CUX2: variants seen among roughly 807,000 people sequenced by gnomAD.
The protein encoded by CUX2 is homeobox protein cut-like 2.
Under a neutral mutation model 144.8 loss-of-function variants are expected in CUX2, and 40 were observed. The ratio of observed to expected loss-of-function variants is 0.28; its 90% CI spans 0.21 to 0.36. The LOEUF is 0.36. Ranked by LOEUF, CUX2 falls within the 10% of genes least tolerant of loss-of-function variation. The probability of loss-of-function intolerance (pLI) is 1.00; values close to 1 mark genes in which losing one functional copy is unlikely to be tolerated. For synonymous variants in CUX2, 827 were observed against 875.6 expected, an observed-to-expected ratio of 0.94 and a Z score of 0.98; for missense variants, 1,615 against 1,994.0, an observed-to-expected ratio of 0.81 and a Z score of 3.62.
intron 20 of CUX2, 89 bp from the exon 21 acceptor site, chr12:111,341,691 G>C: frequency 1.4e-6 from 2 of 1,436,066 alleles, no homozygotes; most frequent in Non-Finnish European, 1.9e-6. Context: ...GGGCCTGACA[G>C]ATGCACTCCC....
intron 1 of CUX2, among the ~76,000 whole-genome samples, chr12:111,213,056 C>T (rs1453219046): frequency 6.6e-6 from 1 of 152,204 alleles, no homozygotes; most frequent in East Asian, 1.9e-4. Context: ...TTAAAGAGTT[C>T]ACCCTAGAAA....
chr12:111,294,482 G>A (rs1885860763), intron 6 of CUX2, among the ~76,000 whole-genome samples: 2 of 151,596 alleles, frequency 1.3e-5, no homozygotes, highest in South Asian at 4.2e-4. Context: ...GTGAGGCTGA[G>A]GCAGAGCAGA....
chr12:111,088,039 A>G (rs1310939947), intron 1 of CUX2, among the ~76,000 whole-genome samples: 4 of 152,228 alleles, frequency 2.6e-5, no homozygotes, highest in Admixed American at 2.0e-4. Context: ...GGGAAAAAAG[A>G]CTATTTCAAA....
chr12:111,067,525 GTTT>G (rs1293995885), intron 1 of CUX2, among the ~76,000 whole-genome samples: 2 of 152,188 alleles, frequency 1.3e-5, no homozygotes, highest in Non-Finnish European at 1.5e-5. Context: ...CCCAACCCAT[GTTT>G]TTATTTGTGT....
rs112606291 is a variant in CUX2 at position 111,058,820 on chromosome 12, T to C, written c.63+24580T>C. On this transcript the variant is annotated intron_variant, in intron 1 of 21. Transcript: ENST00000261726. The stretch of plus-strand genomic sequence containing the variant: ...AAATGGTGAAAGAACAGCTACTCCA[T>C]AGACAGAGTAGGACATTCCTGAAAA... Among the ~76,000 whole-genome samples the C allele has an allele frequency of 3.2e-3, 481 of 152,218 alleles. 2 individuals are homozygous for C. The highest frequency in any genetic ancestry group is 0.011 in the African/African-American group (460 of 41,532).
At chr12:111,218,944 C>T (rs776497434) in intron 3 of CUX2, among the ~76,000 whole-genome samples, 2 of 147,268 alleles carry the variant, frequency 1.4e-5, no homozygotes, top group Non-Finnish European at 3.0e-5. Flanking sequence ...GCACAGGAGG[C>T]AGGCCAAGAA....
chr12:111,257,088 C>T (rs2136282461), intron 3 of CUX2, among the ~76,000 whole-genome samples: 1 of 152,238 alleles, frequency 6.6e-6, no homozygotes, highest in South Asian at 2.1e-4. Flanking sequence ...CATTGTCACC[C>T]CTCGTATCAC....
In CUX2 at chr12:111,171,204, G is replaced by A. The variant is rs1199948659; in HGVS notation, c.64-42996G>A. On this transcript the variant is annotated intron_variant, in intron 1 of 21. Coordinates refer to ENST00000261726, the MANE Select transcript of CUX2 (RefSeq NM_015267.4). This position sits in a 1 kb window ranked among gnomAD's most constrained non-coding sequence, Gnocchi z 5.0. ...GGCAACCCCCAGTCTGATGGACGGG[G>A]TGCAGAGTATGGAAGGAAAGCCTCG... Among the ~76,000 whole-genome samples the A allele has an allele frequency of 6.6e-6, 1 of 152,116 alleles. No homozygotes were observed. Among genetic ancestry groups the A allele is most frequent in the Non-Finnish European group, 1.5e-5 (1 of 68,010 alleles).
chr12:111,263,879 C>A lies in CUX2; in HGVS notation c.301+40C>A, dbSNP rs191884350. 6.5e-7 allele frequency: 1 copy of A among 1,542,706 alleles called. No individual in the cohort carries two copies. The highest frequency in any genetic ancestry group is 9.0e-7 in the Non-Finnish European group (1 of 1,115,240). On this transcript the variant is annotated intron_variant, in intron 4 of 21. Coordinates refer to ENST00000261726, the MANE Select transcript of CUX2 (RefSeq NM_015267.4). This position sits in a 1 kb window ranked among gnomAD's most constrained non-coding sequence, Gnocchi z 4.0. Reference sequence around the variant, plus strand: ...GGCTCCGTAATTGAATAGTTAACGACAATAAATAGCCATTAGGACTGTGAC... The same window carrying A: ...GGCTCCGTAATTGAATAGTTAACGAAAATAAATAGCCATTAGGACTGTGAC...
rs1324225885 is a variant in CUX2 at position 111,160,095 on chromosome 12, T to C, written c.64-54105T>C. On this transcript the variant is annotated intron_variant, in intron 1 of 21. Coordinates refer to ENST00000261726, the MANE Select transcript of CUX2 (RefSeq NM_015267.4). The surrounding 1 kb of genome is among the most constrained non-coding windows in gnomAD (Gnocchi z 4.1). ...GGATGATTCCTTCTTTCCTTCAATA[T>C]TCATTGAGCTCCTGCTGGGTGCTGG... 6.6e-6 allele frequency among the ~76,000 whole-genome samples: 1 copy of C among 152,160 alleles called. No homozygotes were observed. The highest frequency in any genetic ancestry group is 1.5e-5 in the Non-Finnish European group (1 of 68,032).
chr12:111,181,104 A>T (rs1035535880), intron 1 of CUX2, among the ~76,000 whole-genome samples: 4 of 152,256 alleles, frequency 2.6e-5, no homozygotes, highest in Non-Finnish European at 5.9e-5. Flanking sequence ...TGATTGAAAT[A>T]ACCAGGCGGA....
At chr12:111,272,569 A>G (rs934232921) in intron 4 of CUX2, among the ~76,000 whole-genome samples, 8 of 152,082 alleles carry the variant, frequency 5.3e-5, no homozygotes, top group Non-Finnish European at 1.0e-4. Context: ...GGTTCAAGCA[A>G]TTCTCATGCC....
Position 111,320,758 on chromosome 12 carries a change from A to T in CUX2, c.2749A>T (p.Arg917Trp). The T allele has an allele frequency of 6.4e-7, 1 of 1,570,864 alleles. No individual in the cohort carries two copies. The highest frequency in any genetic ancestry group is 8.6e-7 in the Non-Finnish European group (1 of 1,164,494). Residue 917 changes from arginine (R) to tryptophan (W), a missense_variant, in exon 17 of 22, where the codon AGG (arginine) becomes TGG (tryptophan). Arg to Trp is a moderately radical substitution (Grantham distance 101, BLOSUM62 -3). Transcript: ENST00000261726. This position sits in a 1 kb window ranked among gnomAD's most constrained non-coding sequence, Gnocchi z 8.1. ...GCTGGCCAAGAACGGCATCTGCCAG[A>T]GGATCTTCGGGGAGAAGGTGAGTGC... ...EKLAKNGICQ[R>W]IFGEKVLGLS...
At chr12:111,087,143 G>A (rs940737608) in intron 1 of CUX2, among the ~76,000 whole-genome samples, 3 of 152,078 alleles carry the variant, frequency 2.0e-5, no homozygotes, top group African/African-American at 7.2e-5. Context: ...GCGGATTGAG[G>A]TCAGGAGTTC....
rs998181793 is a variant in CUX2 at position 111,304,419 on chromosome 12, G to A, written c.858+105G>A. ...TGGGTGACACTTTGTGGTTGATTGT[G>A]TGCATCCATTTGAAACTGGGAGTGT... On this transcript the variant is annotated intron_variant, in intron 10 of 21. Coordinates refer to ENST00000261726, the MANE Select transcript of CUX2 (RefSeq NM_015267.4). This position sits in a 1 kb window ranked among gnomAD's most constrained non-coding sequence, Gnocchi z 4.7. 2.2e-5 allele frequency: 19 copies of A among 871,702 alleles called. No homozygotes were observed. Among genetic ancestry groups the A allele is most frequent in the African/African-American group, 2.0e-4 (12 of 59,694 alleles). 54.0% of individuals were successfully genotyped at this position (871,702 alleles called of 1,614,324 possible). A position where few individuals can be genotyped will look rare whatever the true frequency, so the allele number is the denominator to read the frequency against.
chr12:111,244,003 T>C (rs1399314291), intron 3 of CUX2, among the ~76,000 whole-genome samples: 3 of 152,238 alleles, frequency 2.0e-5, no homozygotes, highest in Non-Finnish European at 2.9e-5. Flanking sequence ...CTGATGCTGG[T>C]CTCAAGCTAA....
At chr12:111,115,675 T>C (rs960771915) in intron 1 of CUX2, among the ~76,000 whole-genome samples, 5 of 152,206 alleles carry the variant, frequency 3.3e-5, no homozygotes, top group Non-Finnish European at 7.3e-5. Context: ...TTAAGTGTTA[T>C]CTTCTCAAGG....
intron 1 of CUX2, among the ~76,000 whole-genome samples, chr12:111,121,535 C>A (rs1254857152): frequency 5.9e-5 from 9 of 151,838 alleles, no homozygotes; most frequent in Admixed American, 5.9e-4. Flanking sequence ...TGCCACCACA[C>A]CCAGCTAGTA....
chr12:111,307,368 TC>T lies in CUX2; in HGVS notation c.1109+113del. On this transcript the variant is annotated intron_variant, in intron 12 of 21. Coordinates refer to ENST00000261726, the MANE Select transcript of CUX2 (RefSeq NM_015267.4). This position sits in a 1 kb window ranked among gnomAD's most constrained non-coding sequence, Gnocchi z 4.1. ...CTACTAAACCCCATTTGTTCTTCTC[TC>T]CACTAACACTGTGGATATCAAACCT... The T allele has an allele frequency of 1.0e-6, 1 of 956,392 alleles. No individual in the cohort carries two copies. Among genetic ancestry groups the T allele is most frequent in the Non-Finnish European group, 1.6e-6 (1 of 628,918 alleles). 59.2% of individuals were successfully genotyped at this position (956,392 alleles called of 1,614,324 possible).
Sources: allele counts gnomAD v4.1 joint callset (sites outside exome capture counted in the v4.1 genomes callset), GRCh38; gene constraint gnomAD v4.1.1; non-coding constraint Gnocchi (gnomAD v3.1); transcripts MANE v1.5; gene names NCBI Gene and HGNC (gene_info 2026-07-23, HGNC 2026-07-21).